The following SIK3 variants were observed in gnomAD, a reference collection of about 807,000 sequenced individuals.
SIK3 encodes the protein serine/threonine-protein kinase SIK3.
In SIK3, 28 loss-of-function variants were observed where a neutral mutation model predicts 144.2. The observed-to-expected ratio is 0.19, with a 90% CI of 0.14 to 0.27. SIK3 has a LOEUF of 0.27. Among genes scored for constraint, SIK3 ranks in the 10% least tolerant of loss-of-function variants. SIK3 has a pLI of 1.00. For synonymous variants in SIK3, 686 were observed against 676.3 expected, an observed-to-expected ratio of 1.01 and a Z score of -0.22; for missense variants, 1,319 against 1,776.0, an observed-to-expected ratio of 0.74 and a Z score of 4.62.
intron 1 of SIK3, among the ~76,000 whole-genome samples, chr11:116,998,344 G>A (rs568162175): frequency 1.3e-5 from 2 of 151,834 alleles, no homozygotes; most frequent in African/African-American, 2.4e-5. Flanking sequence ...GGTGGCGCAC[G>A]CCTGTAGTCC....
intron 2 of SIK3, among the ~76,000 whole-genome samples, chr11:116,954,332 A>G (rs1411406273): frequency 6.6e-6 from 1 of 152,226 alleles, no homozygotes; most frequent in Non-Finnish European, 1.5e-5. Context: ...ATTGCTTGAG[A>G]GAGATAGGCT....
At chr11:116,985,867 T>A (rs948602601) in intron 1 of SIK3, among the ~76,000 whole-genome samples, 22 of 152,310 alleles carry the variant, frequency 1.4e-4, no homozygotes, top group Non-Finnish European at 7.4e-5. Context: ...TTTCCCTACA[T>A]AGAAATTGAA....
intron 3 of SIK3, among the ~76,000 whole-genome samples, chr11:116,927,996 C>G (rs1180320560): frequency 6.6e-6 from 1 of 152,174 alleles, no homozygotes. Flanking sequence ...TTATGGGGCT[C>G]ACCAAATGGT....
intron 4 of SIK3, among the ~76,000 whole-genome samples, chr11:116,921,018 G>A (rs1946937569): frequency 1.3e-5 from 2 of 152,160 alleles, no homozygotes; most frequent in African/African-American, 4.8e-5. Context: ...AGCGATGCCG[G>A]CTCCATGCTG....
intron 21 of SIK3, chr11:116,855,290 A>G (rs895596489): frequency 1.3e-5 from 2 of 152,060 alleles, no homozygotes; most frequent in East Asian, 1.9e-4. Context: ...TCTCCTCTAG[A>G]TCCAAATGGC....
chr11:116,980,575 A>G (rs1362351330), intron 1 of SIK3, among the ~76,000 whole-genome samples: 1 of 152,230 alleles, frequency 6.6e-6, no homozygotes, highest in Non-Finnish European at 1.5e-5. Context: ...TAATCAGGTC[A>G]GCTGAGGTGG....
chr11:117,090,467 A>T (rs1955194735), intron 1 of SIK3, among the ~76,000 whole-genome samples: 1 of 152,074 alleles, frequency 6.6e-6, no homozygotes, highest in Non-Finnish European at 1.5e-5. Flanking sequence ...TATCTAGATG[A>T]CCAGTTCTCT....
Position 116,863,624 on chromosome 11 carries a change from G to A in SIK3, c.2103+44C>T, listed in dbSNP as rs370317489. ...CAGTCCTCCTGCAATCCTGGCCTCT[G>A]TCACCCATGCTCCTCCAGGGATGCC... is the stretch of plus-strand genomic sequence containing the variant. On this transcript the variant is annotated intron_variant, in intron 16 of 24. Coordinates refer to ENST00000445177, the MANE Select transcript of SIK3 (RefSeq NM_001366686.3). 4.6e-4 allele frequency: 749 copies of A among 1,612,454 alleles called. 1 individual carries two copies. The highest frequency in any genetic ancestry group is 6.0e-4 in the Non-Finnish European group (703 of 1,179,602).
intron 1 of SIK3, among the ~76,000 whole-genome samples, chr11:117,035,565 G>GTT (rs1555136915): frequency 6.6e-6 from 1 of 152,050 alleles, no homozygotes; most frequent in Non-Finnish European, 1.5e-5. Flanking sequence ...GCAGATAAAA[G>GTT]TAACTACCTA....
At chr11:117,074,116 G>A (rs1954398853) in intron 1 of SIK3, among the ~76,000 whole-genome samples, 1 of 152,052 alleles carries the variant, frequency 6.6e-6, no homozygotes. Context: ...AGCTTCTCCA[G>A]AACTACCACT....
intron 1 of SIK3, among the ~76,000 whole-genome samples, chr11:117,007,268 C>T (rs1419171175): frequency 6.6e-6 from 1 of 152,172 alleles, no homozygotes; most frequent in Non-Finnish European, 1.5e-5. Flanking sequence ...ATCCCAGCTA[C>T]TTGGGAGGCT....
intron 1 of SIK3, among the ~76,000 whole-genome samples, chr11:117,084,004 T>G (rs868340797): frequency 1.3e-5 from 2 of 152,296 alleles, no homozygotes; most frequent in Middle Eastern, 6.8e-3. Flanking sequence ...CACCTCGAAG[T>G]ACACACTATA....
intron 1 of SIK3, among the ~76,000 whole-genome samples, chr11:117,076,523 TA>T (rs1275417803): frequency 6.6e-6 from 1 of 151,918 alleles, no homozygotes; most frequent in Admixed American, 6.6e-5. Context: ...GATATTGCCT[TA>T]AACACAATTT....
chr11:116,876,317 G>A lies in SIK3; in HGVS notation c.1031C>T (p.Pro344Leu), dbSNP rs1360310069. 6.2e-7 allele frequency: 1 copy of A among 1,614,210 alleles called. No homozygotes were observed. The highest frequency in any genetic ancestry group is 1.7e-5 in the Admixed American group (1 of 60,024). ...QQLKEERQVD[P>L]LNEDVLLAME... ...GGCCAAGAGGACATCCTCATTCAGGGGGTCCACCTGTCTTTCTTCCTTTAG... is the reference window on the plus strand; with the variant it reads ...GGCCAAGAGGACATCCTCATTCAGGAGGTCCACCTGTCTTTCTTCCTTTAG... The change falls in exon 8 of 25, where the codon CCC (proline) becomes CTC (leucine). Residue 344 changes from proline (P) to leucine (L), a missense_variant. By Grantham distance (98) the Pro-to-Leu change is moderately conservative. Around this residue, in one of 8 missense-constraint regions of SIK3, gnomAD observed 109 missense variants for 109.3 expected, o/e 1.00. Coordinates refer to ENST00000445177, the MANE Select transcript of SIK3 (RefSeq NM_001366686.3).
At chr11:117,037,224 A>G (rs1952543718) in intron 1 of SIK3, among the ~76,000 whole-genome samples, 1 of 152,202 alleles carries the variant, frequency 6.6e-6, no homozygotes, top group Admixed American at 6.5e-5. Flanking sequence ...CATGACATGA[A>G]AAATCTAAAA....
At chr11:117,074,209 G>C (rs1365279940) in intron 1 of SIK3, among the ~76,000 whole-genome samples, 2 of 152,308 alleles carry the variant, frequency 1.3e-5, no homozygotes, top group African/African-American at 4.8e-5. Context: ...TTATGTCCCT[G>C]TAACAGGCTG....
At chr11:117,017,224 T>G (rs1273791328) in intron 1 of SIK3, among the ~76,000 whole-genome samples, 3 of 152,082 alleles carry the variant, frequency 2.0e-5, no homozygotes, top group African/African-American at 7.2e-5. Context: ...GCCACTGCAC[T>G]CCAGGGTGAC....
At chr11:117,038,940 C>T (rs951324765) in intron 1 of SIK3, among the ~76,000 whole-genome samples, 5 of 151,822 alleles carry the variant, frequency 3.3e-5, no homozygotes, top group South Asian at 4.2e-4. Context: ...ATCCCAGCTA[C>T]TCGGGAGGCT....
intron 1 of SIK3, among the ~76,000 whole-genome samples, chr11:117,011,929 T>C (rs1391572640): frequency 6.6e-6 from 1 of 152,098 alleles, no homozygotes; most frequent in Non-Finnish European, 1.5e-5. Context: ...ATACATAAAG[T>C]TTCCTGCTTG....
Sources: allele counts gnomAD v4.1 joint callset (sites outside exome capture counted in the v4.1 genomes callset), GRCh38; gene constraint gnomAD v4.1.1; regional missense constraint gnomAD v4.1.1; transcripts MANE v1.5; gene names NCBI Gene and HGNC (gene_info 2026-07-23, HGNC 2026-07-21).